The following NAA15 variants were observed in gnomAD, a reference collection of about 807,000 sequenced individuals.
NAA15 encodes the protein N-terminal acetyltransferase.
NAA15 carries 34 observed loss-of-function variants against 114.0 expected under a neutral mutation model. The observed-to-expected ratio is 0.30, with a 90% confidence interval of 0.23 to 0.40. NAA15 has a LOEUF of 0.40. Ranked by LOEUF, NAA15 falls within the 10% of genes least tolerant of loss-of-function variation. The probability of loss-of-function intolerance (pLI) is 1.00; values close to 1 mark genes in which losing one functional copy is unlikely to be tolerated. For synonymous variants in NAA15, 340 were observed against 338.0 expected (o/e 1.01, Z -0.06); for missense variants, 658 against 1,004.5 (o/e 0.66, Z 4.66).
intron 1 of NAA15, among the ~76,000 whole-genome samples, chr4:139,307,794 T>A (rs1046713729): frequency 6.6e-6 from 1 of 152,136 alleles, no homozygotes; most frequent in Non-Finnish European, 1.5e-5. Context: ...TAGTGTTAGT[T>A]ACAGTCTGGA....
rs1389801548 is a variant in NAA15, at chr4:139,389,553, A to C, written c.*1469A>C. On this transcript the variant is annotated 3_prime_UTR_variant, in exon 20 of 20. Coordinates refer to ENST00000296543, the MANE Select transcript of NAA15 (RefSeq NM_057175.5). ...GTGGCAGGTACTATGAATGTAATTC[A>C]TAATTTAAAAGGAAAACTAAAAACT... The C allele has an allele frequency of 6.6e-6, 1 of 152,636 alleles. No homozygotes were observed. The highest frequency in any genetic ancestry group is 1.5e-5 in the Non-Finnish European group (1 of 68,040). 9.5% of individuals were successfully genotyped at this position (152,636 alleles called of 1,614,324 possible). A position where few individuals can be genotyped will look rare whatever the true frequency, so the allele number is the denominator to read the frequency against.
intron 10 of NAA15, among the ~76,000 whole-genome samples, chr4:139,354,355 G>A (rs1747873661): frequency 6.6e-6 from 1 of 152,166 alleles, no homozygotes; most frequent in Non-Finnish European, 1.5e-5. Context: ...CTGGAGTGCA[G>A]TGGTGTGAAC....
At chr4:139,310,357 G>A (rs1446754687) in intron 1 of NAA15, among the ~76,000 whole-genome samples, 2 of 149,816 alleles carry the variant, frequency 1.3e-5, no homozygotes, top group African/African-American at 4.9e-5. Flanking sequence ...GGGAGGCTGA[G>A]GCAGGAGAAT....
intron 17 of NAA15, among the ~76,000 whole-genome samples, chr4:139,382,667 T>G (rs1457682303): frequency 2.0e-5 from 3 of 152,110 alleles, no homozygotes; most frequent in Non-Finnish European, 2.9e-5. Context: ...CTATTCCTGC[T>G]TTTCCACTGA....
chr4:139,325,918 C>T (rs1373428944), intron 1 of NAA15, among the ~76,000 whole-genome samples: 1 of 152,192 alleles, frequency 6.6e-6, no homozygotes, highest in East Asian at 1.9e-4. Context: ...AGCCACCATG[C>T]CCAGCCGTTG....
chr4:139,357,615 C>G, intron 11 of NAA15, 60 bp downstream of exon 11: 1 of 1,121,510 alleles, frequency 8.9e-7, no homozygotes. Context: ...AACTTTTTCT[C>G]TGTATTTTAT....
At chr4:139,338,436 G>GT (rs887603145) in intron 3 of NAA15, among the ~76,000 whole-genome samples, 22 of 151,362 alleles carry the variant, frequency 1.5e-4, no homozygotes, top group East Asian at 7.8e-4. Context: ...ACATTCTGGG[G>GT]TTTTTTTTTG....
intron 10 of NAA15, among the ~76,000 whole-genome samples, chr4:139,354,556 C>T (rs2110942321): frequency 6.6e-6 from 1 of 152,268 alleles, no homozygotes; most frequent in Non-Finnish European, 1.5e-5. Flanking sequence ...GCATTGGCCT[C>T]TTAAAGTGTT....
At chr4:139,355,397 A>C (rs577864338) in intron 10 of NAA15, among the ~76,000 whole-genome samples, 2 of 152,052 alleles carry the variant, frequency 1.3e-5, no homozygotes, top group African/African-American at 4.8e-5. Flanking sequence ...TTGTTGAAGA[A>C]ATTTTTTTAT....
intron 15 of NAA15, among the ~76,000 whole-genome samples, chr4:139,371,517 A>ACACC (rs1473024591): frequency 2.0e-5 from 3 of 149,284 alleles, no homozygotes; most frequent in Non-Finnish European, 4.4e-5. Flanking sequence ...ACACACACAC[A>ACACC]CACACACACA....
intron 3 of NAA15, among the ~76,000 whole-genome samples, chr4:139,340,312 A>G (rs1334527813): frequency 6.6e-6 from 1 of 152,082 alleles, no homozygotes; most frequent in East Asian, 1.9e-4. Context: ...ACAGAGCAAT[A>G]CCTGTCTCAA....
In NAA15 at chr4:139,313,783, C is replaced by T. The variant is rs546349187; in HGVS notation, c.54+11952C>T. Among the ~76,000 whole-genome samples, 194 of 151,758 alleles carry T rather than the reference C, an allele frequency of 1.3e-3. 1 individual carries two copies. The highest frequency in any genetic ancestry group is 1.5e-3 in the Non-Finnish European group (103 of 67,964). On this transcript the variant is annotated intron_variant, in intron 1 of 19. Transcript: ENST00000296543. ...AACTCCTGACCTCAGGTGATCTGCC[C>T]GCCTCGGCCTACCAAAGTGCTGGCA...
intron 1 of NAA15, among the ~76,000 whole-genome samples, chr4:139,328,863 G>T (rs112602865): frequency 5.1e-4 from 76 of 149,898 alleles, no homozygotes; most frequent in African/African-American, 1.7e-3. Flanking sequence ...ACTGTGCCCG[G>T]CCTTCTTTTT....
At chr4:139,374,883 CCT>C (rs968128649) in intron 15 of NAA15, among the ~76,000 whole-genome samples, 4 of 152,152 alleles carry the variant, frequency 2.6e-5, no homozygotes, top group African/African-American at 7.2e-5. Flanking sequence ...TTCTCTGTTT[CCT>C]CTCTCCAAGT....
At chr4:139,323,048 CTTTTCTTTTT>C (rs1746674005) in intron 1 of NAA15, among the ~76,000 whole-genome samples, 1 of 134,148 alleles carries the variant, frequency 7.5e-6, no homozygotes, top group South Asian at 2.4e-4. Flanking sequence ...TTTTTCTTTT[CTTTTCTTTTT>C]TTTTTTTTTT....
chr4:139,308,443 C>T (rs1746100513), intron 1 of NAA15, among the ~76,000 whole-genome samples: 1 of 152,062 alleles, frequency 6.6e-6, no homozygotes, highest in Non-Finnish European at 1.5e-5. Flanking sequence ...TGACAGAATT[C>T]CAGTTTTGCA....
At chr4:139,350,592 A>C (rs1224483333) in intron 7 of NAA15, among the ~76,000 whole-genome samples, 5 of 152,234 alleles carry the variant, frequency 3.3e-5, no homozygotes, top group Non-Finnish European at 7.3e-5. Flanking sequence ...GTTGTGAGCC[A>C]TTGAAATATA....
intron 1 of NAA15, among the ~76,000 whole-genome samples, chr4:139,303,352 C>T (rs570254958): frequency 5.3e-5 from 8 of 152,074 alleles, no homozygotes; most frequent in Non-Finnish European, 1.2e-4. Flanking sequence ...CTCTTTTTCA[C>T]AATTCTTTAT....
At chr4:139,357,205 C>A (rs1375058193) in intron 10 of NAA15, among the ~76,000 whole-genome samples, 181 bp from the exon 11 acceptor site, 20 of 152,098 alleles carry the variant, frequency 1.3e-4, no homozygotes, top group Admixed American at 1.2e-3. Flanking sequence ...TATAAGGATG[C>A]AGAAAAGAAA....
Sources: gnomAD v4.1 joint callset for allele counts (sites outside exome capture counted in the v4.1 genomes callset) on GRCh38, gnomAD v4.1.1 for gene constraint, MANE v1.5 for transcripts, NCBI Gene and HGNC (gene_info 2026-07-23, HGNC 2026-07-21) for gene names.